The following EYS variants were observed in gnomAD, a reference collection of about 807,000 sequenced individuals.
EYS encodes EGF-like photoreceptor maintenance factor.
In EYS, 250 loss-of-function variants were observed where a neutral mutation model predicts 282.1. The observed-to-expected ratio is 0.89, with a 90% confidence interval of 0.80 to 0.98. EYS has a LOEUF of 0.98. Among genes scored for constraint, EYS ranks in the 50% least tolerant of loss-of-function variants. The probability of loss-of-function intolerance (pLI) is 0.00; values close to 1 mark genes in which losing one functional copy is unlikely to be tolerated. For missense variants in EYS, 4,016 were observed against 3,709.0 expected, an observed-to-expected ratio of 1.08 and a Z score of -2.15; for synonymous variants, 1,355 against 1,282.9, an observed-to-expected ratio of 1.06 and a Z score of -1.20.
chr6:65,557,720 C>A (rs1432528500), intron 2 of EYS, among the ~76,000 whole-genome samples: 1 of 152,146 alleles, frequency 6.6e-6, no homozygotes, highest in Non-Finnish European at 1.5e-5. Context: ...GTCCTGAGTT[C>A]TTTTCCTGAA....
At chr6:64,792,846 C>T (rs991024163) in intron 22 of EYS, among the ~76,000 whole-genome samples, 6 of 60,602 alleles carry the variant, frequency 9.9e-5, no homozygotes, top group East Asian at 5.5e-4. Flanking sequence ...TAATTTCATA[C>T]GATCTTGACA....
In EYS at chr6:64,151,103, A is replaced by C. The variant is rs917436660; in HGVS notation, c.6425-69101T>G. On this transcript the variant is annotated intron_variant, in intron 31 of 42. Transcript: ENST00000503581. ...CAAATATTTTTGTGTAATCATATTC[A>C]AACTTTTCAATAAGAAATAGACAAT... Among the ~76,000 whole-genome samples, 15 of 151,770 alleles carry C rather than the reference A, an allele frequency of 9.9e-5. 1 individual carries two copies. The highest frequency in any genetic ancestry group is 3.6e-4 in the African/African-American group (15 of 41,432).
At chr6:63,949,604 AT>A (rs1335768476) in intron 35 of EYS, among the ~76,000 whole-genome samples, 1 of 152,128 alleles carries the variant, frequency 6.6e-6, no homozygotes, top group Non-Finnish European at 1.5e-5. Context: ...AATAGATGCC[AT>A]TTGTATAACT....
At chr6:64,828,993 A>G (rs1765138944) in intron 19 of EYS, among the ~76,000 whole-genome samples, 1 of 152,038 alleles carries the variant, frequency 6.6e-6, no homozygotes, top group Non-Finnish European at 1.5e-5. Context: ...GCAGATCTTC[A>G]GTCCCATGAT....
At chr6:63,974,714 G>A (rs998632785) in intron 35 of EYS, among the ~76,000 whole-genome samples, 1 of 151,870 alleles carries the variant, frequency 6.6e-6, no homozygotes, top group Non-Finnish European at 1.5e-5. Flanking sequence ...TTCGGTGTAA[G>A]GAACACAATT....
intron 8 of EYS, among the ~76,000 whole-genome samples, chr6:65,366,693 A>G (rs1764923782): frequency 6.6e-6 from 1 of 151,652 alleles, no homozygotes; most frequent in Non-Finnish European, 1.5e-5. Context: ...GCATAAAACA[A>G]CATTTATTCT....
At chr6:65,230,652 T>C (rs996380139) in intron 12 of EYS, among the ~76,000 whole-genome samples, 3 of 151,790 alleles carry the variant, frequency 2.0e-5, no homozygotes, top group Non-Finnish European at 4.4e-5. Context: ...CTATCTCACA[T>C]GTGGAGGGCC....
intron 22 of EYS, among the ~76,000 whole-genome samples, chr6:64,636,265 G>C (rs1767976915): frequency 6.6e-6 from 1 of 152,148 alleles, no homozygotes; most frequent in Non-Finnish European, 1.5e-5. Flanking sequence ...GAACAGAACA[G>C]AGCCCTCAGA....
chr6:65,548,495 T>G (rs907264368), intron 2 of EYS, among the ~76,000 whole-genome samples: 1 of 152,220 alleles, frequency 6.6e-6, no homozygotes, highest in African/African-American at 2.4e-5. Flanking sequence ...GAAAAGTAAA[T>G]GTACACTTTT....
intron 26 of EYS, among the ~76,000 whole-genome samples, chr6:64,521,527 A>G (rs975696930): frequency 2.6e-5 from 4 of 151,708 alleles, no homozygotes; most frequent in African/African-American, 9.7e-5. Flanking sequence ...TTGCCCATAG[A>G]TATGCTTGAA....
intron 12 of EYS, among the ~76,000 whole-genome samples, chr6:65,290,854 C>A (rs1768505461): frequency 6.6e-6 from 1 of 151,234 alleles, no homozygotes; most frequent in Non-Finnish European, 1.5e-5. Flanking sequence ...GAAATGATAT[C>A]ATCTTATTTA....
Position 63,723,411 on chromosome 6 carries a change from A to C in EYS, c.8234-1614T>G, listed in dbSNP as rs553343858. Among the ~76,000 whole-genome samples, 10 of 152,330 alleles carry C rather than the reference A, an allele frequency of 6.6e-5. No individual in the cohort carries two copies. The South Asian group carries it at 1.9e-3, about 28-fold the overall frequency. Reference sequence around the variant, plus strand: ...TATACTTTGTGGCCTGCAAGTGAACACAAACCAGTTATCTTTTGCAAGATT... The same window carrying C: ...TATACTTTGTGGCCTGCAAGTGAACCCAAACCAGTTATCTTTTGCAAGATT... On this transcript the variant is annotated intron_variant, in intron 42 of 42. Transcript: ENST00000503581.
intron 5 of EYS, among the ~76,000 whole-genome samples, chr6:65,469,807 A>G (rs140239375): frequency 3.9e-5 from 6 of 152,218 alleles, no homozygotes; most frequent in African/African-American, 1.4e-4. Context: ...ATAGGCATCT[A>G]TTCTGCCAAG....
intron 33 of EYS, among the ~76,000 whole-genome samples, chr6:64,027,951 C>A (rs535314596): frequency 2.2e-3 from 341 of 152,286 alleles, no homozygotes; most frequent in African/African-American, 7.7e-3. Flanking sequence ...CTGTCCTGGA[C>A]GACTGTCCTC....
At chr6:65,371,737 CTCTCTGTGTG>C (rs1386359363) in intron 8 of EYS, among the ~76,000 whole-genome samples, 5 of 43,450 alleles carry the variant, frequency 1.2e-4, no homozygotes, top group Admixed American at 5.4e-4. Flanking sequence ...CTCTCTCTCT[CTCTCTGTGTG>C]TGTGTGTGTG....
chr6:63,971,887 T>A lies in EYS; in HGVS notation c.7055+12496A>T, dbSNP rs147742547. 4.7e-3 allele frequency among the ~76,000 whole-genome samples: 720 copies of A among 152,314 alleles called. 3 individuals are homozygous for A. The highest frequency in any genetic ancestry group is 0.017 in the African/African-American group (688 of 41,574). On this transcript the variant is annotated intron_variant, in intron 35 of 42. Transcript: ENST00000503581. ...ACAAAATCACATATCTTAAAGCACA[T>A]GGTAAGTTAGGTGAGATATGAAGAA...
At chr6:64,039,932 GATT>G (rs1282812726) in intron 33 of EYS, among the ~76,000 whole-genome samples, 1 of 152,004 alleles carries the variant, frequency 6.6e-6, no homozygotes, top group Non-Finnish European at 1.5e-5. Context: ...CTAAATCTTT[GATT>G]TCCACATTGC....
chr6:64,270,097 T>C (rs1249142126), intron 30 of EYS, among the ~76,000 whole-genome samples: 4 of 152,146 alleles, frequency 2.6e-5, no homozygotes, highest in Admixed American at 2.0e-4. Flanking sequence ...AATGCAGCCT[T>C]AGTATTTATC....
At chr6:63,864,162 T>C (rs1379209758) in intron 36 of EYS, 24 bp downstream of exon 36, 4 of 1,442,966 alleles carry the variant, frequency 2.8e-6, no homozygotes, top group Non-Finnish European at 3.7e-6. Context: ...CTGTGCTCCA[T>C]GTTTAATAAT....
Sources: allele counts gnomAD v4.1 joint callset (sites outside exome capture counted in the v4.1 genomes callset), GRCh38; gene constraint gnomAD v4.1.1; transcripts MANE v1.5; gene names NCBI Gene and HGNC (gene_info 2026-07-23, HGNC 2026-07-21).